The following CSPP1 variants were observed in gnomAD, a reference collection of about 807,000 sequenced individuals.
CSPP1 encodes the protein centrosome and spindle pole associated protein 1, also known as centrosome and spindle pole-associated protein 1.
Under a neutral mutation model 164.4 loss-of-function variants are expected in CSPP1, and 126 were observed. That is an observed-to-expected ratio of 0.77 (90% confidence interval 0.66 to 0.89). The LOEUF is 0.89. Ranked by LOEUF, CSPP1 falls within the 40% of genes least tolerant of loss-of-function variation. CSPP1 has a pLI of 0.00. For missense variants in CSPP1, 1,395 were observed against 1,449.8 expected (o/e 0.96, Z 0.61); for synonymous variants, 472 against 476.7 (o/e 0.99, Z 0.13).
intron 18 of CSPP1, among the ~76,000 whole-genome samples, chr8:67,153,063 A>G (rs60894518): frequency 0.12 from 18,705 of 152,052 alleles, 2,252 homozygotes; most frequent in African/African-American, 0.31. Context: ...TTAGCCAGGC[A>G]TGGTGGCACA....
At chr8:67,122,864 C>T (rs1819238423) in intron 15 of CSPP1, among the ~76,000 whole-genome samples, 1 of 151,472 alleles carries the variant, frequency 6.6e-6, no homozygotes, top group Non-Finnish European at 1.5e-5. Context: ...TTCTGATATA[C>T]AGTCTTGCTC....
intron 17 of CSPP1, among the ~76,000 whole-genome samples, chr8:67,144,938 G>C (rs982648741): frequency 6.6e-6 from 1 of 151,766 alleles, no homozygotes; most frequent in African/African-American, 2.4e-5. Flanking sequence ...TGTGTGTGGT[G>C]GTGTGCTCCT....
At chr8:67,111,846 C>T in intron 9 of CSPP1, 126 bp from the exon 10 acceptor site, 1 of 502,418 alleles carries the variant, frequency 2.0e-6, no homozygotes, top group Non-Finnish European at 3.5e-6. Flanking sequence ...GATTTTTTTC[C>T]TTCTGTATTT....
chr8:67,155,366 T>C lies in CSPP1; in HGVS notation c.2241+1230T>C, dbSNP rs117172799. Among the ~76,000 whole-genome samples the C allele has an allele frequency of 3.9e-5, 6 of 152,372 alleles. No homozygotes were observed. In the East Asian group the frequency reaches 1.2e-3, roughly 29 times the overall value. ...TTGCCTACAGAAATTATCTCAACTC[T>C]TGAACCTAACATTTAAGGTTTTATA... On this transcript the variant is annotated intron_variant, in intron 19 of 30. Transcript: ENST00000678616.
At chr8:67,148,453 T>G (rs1478984582) in intron 17 of CSPP1, among the ~76,000 whole-genome samples, 1 of 152,248 alleles carries the variant, frequency 6.6e-6, no homozygotes, top group Non-Finnish European at 1.5e-5. Flanking sequence ...TGGAGTGCTT[T>G]CTCACATTGT....
In CSPP1 at chr8:67,112,034, C is replaced by A; in HGVS notation, c.1156C>A (p.Gln386Lys). 1 of 1,611,418 alleles carries A rather than the reference C, an allele frequency of 6.2e-7. No individual in the cohort carries two copies. Among genetic ancestry groups the A allele is most frequent in the Non-Finnish European group, 8.5e-7 (1 of 1,178,606 alleles). Residue 386 changes from glutamine (Q) to lysine (K), a missense_variant, in exon 10 of 31, where the codon CAA becomes AAA. By Grantham distance (53) the Gln-to-Lys change is moderately conservative. Coordinates refer to ENST00000678616, the MANE Select transcript of CSPP1 (RefSeq NM_001382391.1). The part of the protein sequence containing the change: ...KEKYRLELLE[Q>K]MAEQQRNKRR... The stretch of plus-strand genomic sequence containing the variant: ...GAAATACAGACTAGAACTGTTGGAA[C>A]AAATGGCTGAGCAACAGAGGAACAA...
intron 21 of CSPP1, among the ~76,000 whole-genome samples, chr8:67,160,023 T>TTTCTTTTC (rs1827962123): frequency 1.9e-5 from 2 of 102,764 alleles, no homozygotes; most frequent in Admixed American, 1.1e-4. Flanking sequence ...TTTCTTTTCT[T>TTTCTTTTC]TTCTTTTCTT....
chr8:67,170,625 CATTTT>C (rs986205005), intron 24 of CSPP1, among the ~76,000 whole-genome samples: 10 of 152,140 alleles, frequency 6.6e-5, no homozygotes, highest in African/African-American at 1.4e-4. Context: ...ACTCCATGAA[CATTTT>C]ATTTTATTTT....
At chr8:67,150,112 G>T (rs929229351) in intron 18 of CSPP1, among the ~76,000 whole-genome samples, 177 bp downstream of exon 18, 8 of 152,120 alleles carry the variant, frequency 5.3e-5, no homozygotes, top group African/African-American at 1.9e-4. Context: ...TTGAAAAAAG[G>T]TGAATAGGGA....
intron 18 of CSPP1, among the ~76,000 whole-genome samples, chr8:67,153,328 A>AT (rs1381773630): frequency 2.0e-5 from 3 of 152,204 alleles, no homozygotes; most frequent in African/African-American, 7.2e-5. Context: ...CTGCATTCAA[A>AT]GAGACTCTAA....
At chr8:67,180,523 G>C (rs1446606821) in intron 28 of CSPP1, among the ~76,000 whole-genome samples, 1 of 152,178 alleles carries the variant, frequency 6.6e-6, no homozygotes, top group African/African-American at 2.4e-5. Context: ...TGCAGGGGTA[G>C]ATACATACAT....
chr8:67,074,116 A>G (rs1163734576), intron 1 of CSPP1, 127 bp from the exon 2 acceptor site: 6 of 585,154 alleles, frequency 1.0e-5, no homozygotes, highest in African/African-American at 3.8e-5. Context: ...TTTATGATCA[A>G]TCTTAAGTTT....
At chr8:67,078,668 C>A (rs779143561) in intron 3 of CSPP1, among the ~76,000 whole-genome samples, 2 of 150,606 alleles carry the variant, frequency 1.3e-5, no homozygotes, top group Non-Finnish European at 3.0e-5. Flanking sequence ...GGCCTTCCAT[C>A]TTTTTAAAAG....
Position 67,195,572 on chromosome 8 carries a change from C to T in CSPP1, c.3660C>T (p.Gly1220=), listed in dbSNP as rs772464232. The T allele has an allele frequency of 1.2e-6, 2 of 1,613,978 alleles. No homozygotes were observed. Among genetic ancestry groups the T allele is most frequent in the African/African-American group, 2.7e-5 (2 of 74,920 alleles). ...PGKPGTFTWQ[G]LSTAHG is the part of the protein sequence containing the mutation. Reference sequence around the variant, plus strand: ...AACCAGGCACTTTCACTTGGCAGGGCCTGTCGACTGCACATGGTTAAAATA... The same window carrying T: ...AACCAGGCACTTTCACTTGGCAGGGTCTGTCGACTGCACATGGTTAAAATA... The change falls in exon 31 of 31, where the codon GGC becomes GGT. Residue 1220 remains glycine, a synonymous_variant. Transcript: ENST00000678616.
At chr8:67,087,092 T>C (rs1046260634) in intron 4 of CSPP1, among the ~76,000 whole-genome samples, 1 of 148,920 alleles carries the variant, frequency 6.7e-6, no homozygotes, top group Non-Finnish European at 1.5e-5. Flanking sequence ...GCATTTGTGT[T>C]TATTGCTTTC....
chr8:67,170,932 A>G (rs1830340690), intron 24 of CSPP1, among the ~76,000 whole-genome samples: 1 of 151,592 alleles, frequency 6.6e-6, no homozygotes, highest in Admixed American at 6.6e-5. Context: ...GACTACAGGC[A>G]TGCGCCACCC....
chr8:67,190,593 T>A, intron 28 of CSPP1, 57 bp from the exon 29 acceptor site: 1 of 1,309,108 alleles, frequency 7.6e-7, no homozygotes, highest in Non-Finnish European at 1.1e-6. Flanking sequence ...TTGGTTTAGC[T>A]CTGGGTAAGA....
chr8:67,169,105 G>T (rs1291460263), intron 24 of CSPP1, among the ~76,000 whole-genome samples: 1 of 152,180 alleles, frequency 6.6e-6, no homozygotes, highest in Non-Finnish European at 1.5e-5. Flanking sequence ...TAATGATAAA[G>T]AAATGATGGG....
chr8:67,091,270 T>G (rs532532681), intron 4 of CSPP1, among the ~76,000 whole-genome samples: 148 of 152,330 alleles, frequency 9.7e-4, no homozygotes, highest in Middle Eastern at 6.8e-3. Context: ...ATGCTGCCTC[T>G]ACTACACTGC....
Sources: allele counts gnomAD v4.1 joint callset (sites outside exome capture counted in the v4.1 genomes callset), GRCh38; gene constraint gnomAD v4.1.1; transcripts MANE v1.5; gene names NCBI Gene and HGNC (gene_info 2026-07-23, HGNC 2026-07-21).